The following CRTAP variants were observed in gnomAD, a reference collection of about 807,000 sequenced individuals.
CRTAP encodes cartilage associated protein.
In CRTAP, 33 loss-of-function variants were observed where a neutral mutation model predicts 42.7. The ratio of observed to expected loss-of-function variants is 0.77; its 90% CI spans 0.59 to 1.03. The LOEUF (loss-of-function observed/expected upper bound fraction) is 1.03. CRTAP is among the 50% of genes least tolerant of loss of function. The pLI is 0.00. For missense variants in CRTAP, 613 were observed against 533.9 expected, an observed-to-expected ratio of 1.15 and a Z score of -1.46; for synonymous variants, 243 against 217.7, an observed-to-expected ratio of 1.12 and a Z score of -1.02.
chr3:33,133,543 G>A (rs763688523), intron 5 of CRTAP, among the ~76,000 whole-genome samples: 2 of 151,948 alleles, frequency 1.3e-5, no homozygotes, highest in African/African-American at 2.4e-5. Flanking sequence ...GAGCCACTGC[G>A]CCCAGCCTGT....
At position 33,124,473 on chromosome 3, in the gene CRTAP, G is replaced by A. The variant is rs2030000452; in HGVS notation, c.687G>A (p.Met229Ile). The change falls in exon 3 of 7, where the codon ATG becomes ATA. Residue 229 changes from methionine (M) to isoleucine (I), a missense_variant. Transcript: ENST00000320954. The part of the protein sequence containing the change: ...GENWRTSITD[M>I]ELALPDFFKA... ...ACTGGAGAACATCCATCACAGACAT[G>A]GAGCTGGCCCTTCCCGACTTCTTCA... 1 of 1,614,238 alleles carries A rather than the reference G, an allele frequency of 6.2e-7. No homozygotes were observed. The highest frequency in any genetic ancestry group is 8.5e-7 in the Non-Finnish European group (1 of 1,180,054).
Position 33,134,179 on chromosome 3 carries a change from C to T in CRTAP, c.1069-3C>T. The T allele has an allele frequency of 6.2e-7, 1 of 1,608,862 alleles. No individual in the cohort carries two copies. The highest frequency in any genetic ancestry group is 1.1e-5 in the South Asian group (1 of 90,966). ...TAAACTGTTCTCTGTTGTGTCTGAA[C>T]AGGAAGCAGTTCAGTTCTTTAATGT... On this transcript the variant is annotated splice_region_variant and splice_polypyrimidine_tract_variant and intron_variant, in intron 5 of 6. Transcript: ENST00000320954.
At chr3:33,135,139 T>G (rs190950856) in intron 6 of CRTAP, among the ~76,000 whole-genome samples, 4 of 152,348 alleles carry the variant, frequency 2.6e-5, no homozygotes, top group African/African-American at 9.6e-5. Context: ...CTCCCAGGGT[T>G]GTGAGAATAA....
rs927662300 is a variant in CRTAP at position 33,144,142 on chromosome 3, A to T, written c.*1694A>T. 6.6e-6 allele frequency: 1 copy of T among 152,280 alleles called. No homozygotes were observed. Among genetic ancestry groups the T allele is most frequent in the African/African-American group, 2.4e-5 (1 of 41,466 alleles). The allele number at this position is 152,280 out of a possible 1,614,324, so 9.4% of individuals were successfully genotyped here. On this transcript the variant is annotated 3_prime_UTR_variant, in exon 7 of 7. Coordinates refer to ENST00000320954, the MANE Select transcript of CRTAP (RefSeq NM_006371.5). The stretch of plus-strand genomic sequence containing the variant: ...GGGCCACAGCAACAGCAGTGGTCAA[A>T]TATCTAGATTTATTTTGAAAAGAGC...
intron 4 of CRTAP, among the ~76,000 whole-genome samples, 184 bp from the exon 5 acceptor site, chr3:33,132,371 C>T (rs1038859859): frequency 1.3e-5 from 2 of 152,242 alleles, no homozygotes; most frequent in African/African-American, 4.8e-5. Context: ...TCAAGCCTGG[C>T]CTCCAGGCTG....
chr3:33,115,334 T>G (rs1701330717), intron 1 of CRTAP: 1 of 152,192 alleles, frequency 6.6e-6, no homozygotes, highest in Admixed American at 6.5e-5. Context: ...GGGGAACTCG[T>G]GCACCGTGAG....
intron 3 of CRTAP, among the ~76,000 whole-genome samples, chr3:33,125,699 T>C (rs1024055607): frequency 6.6e-6 from 1 of 152,138 alleles, no homozygotes; most frequent in Non-Finnish European, 1.5e-5. Context: ...CCAAATGCCA[T>C]ATTATTTCAT....
intron 6 of CRTAP, among the ~76,000 whole-genome samples, chr3:33,141,377 A>G (rs2030565997): frequency 1.3e-5 from 2 of 152,216 alleles, no homozygotes; most frequent in Non-Finnish European, 2.9e-5. Context: ...TCCAAGCTGT[A>G]GTGTCTACAG....
At position 33,142,439 on chromosome 3, in the gene CRTAP, G is replaced by A. The variant is rs764566135; in HGVS notation, c.1197G>A (p.Glu399=). The change falls in exon 7 of 7, where the codon GAG becomes GAA. Residue 399 remains glutamate, a synonymous_variant. Coordinates refer to ENST00000320954, the MANE Select transcript of CRTAP (RefSeq NM_006371.5). ...TGGATGACCTCTTGGAACTGGAGGA[G>A]ACCAGCTAGCCCACAGCAACCAAAG... ...EYVDDLLELE[E]TS 6.2e-7 allele frequency: 1 copy of A among 1,614,020 alleles called. No homozygotes were observed. The highest frequency in any genetic ancestry group is 1.3e-5 in the African/African-American group (1 of 74,928).
intron 6 of CRTAP, among the ~76,000 whole-genome samples, chr3:33,135,631 G>C (rs1049387067): frequency 6.6e-6 from 1 of 150,542 alleles, no homozygotes. Flanking sequence ...GGAAAGTATA[G>C]AAAAATATAT....
Position 33,147,764 on chromosome 3 carries a change from A to C in CRTAP, c.*5316A>C, listed in dbSNP as rs2030759738. On this transcript the variant is annotated 3_prime_UTR_variant, in exon 7 of 7. Transcript: ENST00000320954. ...CTTTTTAAATCACATTAAATGTTTT[A>C]CATTGCTTATTCTCTATTTTCTATT... The C allele has an allele frequency of 6.6e-6, 1 of 152,258 alleles. No homozygotes were observed. The highest frequency in any genetic ancestry group is 2.4e-5 in the African/African-American group (1 of 41,466). The allele number at this position is 152,258 out of a possible 1,614,324, so 9.4% of individuals were successfully genotyped here.
chr3:33,127,312 G>A (rs763707531), intron 3 of CRTAP, among the ~76,000 whole-genome samples: 11 of 151,714 alleles, frequency 7.3e-5, no homozygotes, highest in African/African-American at 7.3e-5. Context: ...TAGAGAAGTC[G>A]GAAGAATCAT....
chr3:33,134,289 G>T (rs2030359775), intron 6 of CRTAP, 24 bp downstream of exon 6: 1 of 1,438,942 alleles, frequency 6.9e-7, no homozygotes, highest in Non-Finnish European at 9.8e-7. Flanking sequence ...CTTAGCACAT[G>T]TCTGGTGGCT....
chr3:33,143,161 GA>G lies in CRTAP; in HGVS notation c.*714del, dbSNP rs2030627842. 1 of 152,256 alleles carries G rather than the reference GA, an allele frequency of 6.6e-6. No individual in the cohort carries two copies. Among genetic ancestry groups the G allele is most frequent in the Non-Finnish European group, 1.5e-5 (1 of 68,056 alleles). 9.4% of individuals were successfully genotyped at this position (152,256 alleles called of 1,614,324 possible). On this transcript the variant is annotated 3_prime_UTR_variant, in exon 7 of 7. Coordinates refer to ENST00000320954, the MANE Select transcript of CRTAP (RefSeq NM_006371.5). ...TTAAATAAGAAAAACATTCCTAGAA[GA>G]TGATAATTGTGAAAACCTCCTTTGG... is the stretch of plus-strand genomic sequence containing the variant.
chr3:33,138,650 A>G (rs1471254730), intron 6 of CRTAP, among the ~76,000 whole-genome samples: 2 of 152,206 alleles, frequency 1.3e-5, no homozygotes, highest in East Asian at 3.8e-4. Context: ...TTGTATGTGT[A>G]TGTGTATTAT....
At chr3:33,119,503 T>C (rs567386355) in intron 1 of CRTAP, among the ~76,000 whole-genome samples, 98 of 145,860 alleles carry the variant, frequency 6.7e-4, no homozygotes, top group African/African-American at 2.3e-3. Context: ...TGGGGATTTT[T>C]TTTTCCTGTT....
Position 33,124,367 on chromosome 3 carries a change from C to T in CRTAP, c.622-41C>T, listed in dbSNP as rs537651929. ...GAGATTTCATGACTGTCTCCCTTCACGCCCAAGAGCGAGCTTCACTGGCTT... is the reference window on the plus strand; with the variant it reads ...GAGATTTCATGACTGTCTCCCTTCATGCCCAAGAGCGAGCTTCACTGGCTT... On this transcript the variant is annotated intron_variant, in intron 2 of 6. Transcript: ENST00000320954. The T allele has an allele frequency of 5.0e-5, 81 of 1,612,294 alleles. 2 individuals carry two copies. In the Middle Eastern group the frequency reaches 3.2e-3, roughly 63 times the overall value.
At chr3:33,126,136 C>T (rs1398724026) in intron 3 of CRTAP, among the ~76,000 whole-genome samples, 1 of 152,190 alleles carries the variant, frequency 6.6e-6, no homozygotes, top group Non-Finnish European at 1.5e-5. Context: ...TCCCCTTCCC[C>T]CCAGCCACTG....
chr3:33,124,029 A>G (rs2125600226), intron 2 of CRTAP, among the ~76,000 whole-genome samples: 1 of 152,318 alleles, frequency 6.6e-6, no homozygotes, highest in East Asian at 1.9e-4. Context: ...CTGCCATCAT[A>G]GTTACGACAT....
Sources: gnomAD v4.1 joint callset for allele counts (sites outside exome capture counted in the v4.1 genomes callset) on GRCh38, gnomAD v4.1.1 for gene constraint, MANE v1.5 for transcripts, NCBI Gene and HGNC (gene_info 2026-07-23, HGNC 2026-07-21) for gene names.